RBFOX1: variants seen among roughly 807,000 people sequenced by gnomAD.
RBFOX1 encodes RNA binding fox-1 homolog 1, also known as RNA binding protein fox-1 homolog 1.
Under a neutral mutation model 57.7 loss-of-function variants are expected in RBFOX1, and 8 were observed. That is an observed-to-expected ratio of 0.14 (90% CI 0.08 to 0.25). RBFOX1 has a LOEUF of 0.25. Ranked by LOEUF, RBFOX1 falls within the 10% of genes least tolerant of loss-of-function variation. The pLI is 1.00. For synonymous variants in RBFOX1, 326 were observed against 222.4 expected, an observed-to-expected ratio of 1.47 and a Z score of -4.15; for missense variants, 611 against 548.5, an observed-to-expected ratio of 1.11 and a Z score of -1.14.
chr16:7,469,155 C>G (rs1188990571), intron 4 of RBFOX1, among the ~76,000 whole-genome samples: 2 of 152,020 alleles, frequency 1.3e-5, no homozygotes, highest in Admixed American at 6.6e-5. Flanking sequence ...AGGATGGTCT[C>G]AATCTCCTGA....
chr16:5,690,206 C>T (rs1253715593), intron 3 of RBFOX1, among the ~76,000 whole-genome samples: 2 of 152,232 alleles, frequency 1.3e-5, no homozygotes, highest in Admixed American at 1.3e-4. Context: ...AAAGGGCATA[C>T]ATTGAAGACA....
At chr16:7,322,068 T>G (rs1462371604) in intron 4 of RBFOX1, among the ~76,000 whole-genome samples, 1 of 152,216 alleles carries the variant, frequency 6.6e-6, no homozygotes, top group African/African-American at 2.4e-5. Context: ...TCTCCTCCAG[T>G]GCTGTATTTG....
chr16:6,768,684 T>G (rs2077773902), intron 3 of RBFOX1, among the ~76,000 whole-genome samples: 1 of 148,070 alleles, frequency 6.8e-6, no homozygotes, highest in Non-Finnish European at 1.5e-5. Flanking sequence ...ATATGTAAAA[T>G]ATATATGTAC....
intron 2 of RBFOX1, among the ~76,000 whole-genome samples, chr16:6,359,664 A>T (rs1264514342): frequency 6.6e-6 from 1 of 152,160 alleles, no homozygotes; most frequent in Non-Finnish European, 1.5e-5. Flanking sequence ...CTATTGCTGG[A>T]TGTTTCTGCA....
intron 3 of RBFOX1, among the ~76,000 whole-genome samples, chr16:6,712,940 T>G (rs1290524529): frequency 8.2e-6 from 1 of 122,254 alleles, no homozygotes; most frequent in Non-Finnish European, 1.8e-5. Context: ...TGAATAACTC[T>G]CATGGGATCT....
intron 3 of RBFOX1, among the ~76,000 whole-genome samples, chr16:5,719,780 A>G (rs904231110): frequency 1.3e-5 from 2 of 152,196 alleles, no homozygotes; most frequent in Non-Finnish European, 2.9e-5. Context: ...TTGTATGGAT[A>G]GACCCCATTT....
chr16:6,735,990 AAG>A (rs377348807), intron 3 of RBFOX1, among the ~76,000 whole-genome samples: 143,401 of 150,226 alleles, frequency 0.95, 68,294 homozygotes, highest in East Asian at 1. Flanking sequence ...GGGCCTGCTC[AAG>A]GGTAATTAAC....
intron 4 of RBFOX1, among the ~76,000 whole-genome samples, chr16:7,120,838 C>CACACAG: frequency 7.1e-6 from 1 of 141,670 alleles, no homozygotes; most frequent in South Asian, 2.2e-4. Context: ...TATACACACA[C>CACACAG]ACACACACAC....
chr16:6,225,242 A>C (rs1403659768), intron 1 of RBFOX1, among the ~76,000 whole-genome samples: 1 of 152,032 alleles, frequency 6.6e-6, no homozygotes. Flanking sequence ...ATATATATAT[A>C]TATAAAATAG....
intron 4 of RBFOX1, among the ~76,000 whole-genome samples, chr16:7,373,082 C>A (rs1156720925): frequency 6.6e-6 from 1 of 151,842 alleles, no homozygotes; most frequent in African/African-American, 2.4e-5. Context: ...CAGGTGCCTG[C>A]CACCATGCGT....
intron 3 of RBFOX1, among the ~76,000 whole-genome samples, chr16:6,977,714 G>A (rs904168914): frequency 6.6e-6 from 1 of 152,102 alleles, no homozygotes; most frequent in Non-Finnish European, 1.5e-5. Context: ...GAAATGAATT[G>A]AAATTGTGGG....
Position 5,724,452 on chromosome 16 carries a change from T to C in RBFOX1, c.318+125491T>C, listed in dbSNP as rs554228824. ...TCTCTATGTCTATGTCTTCGTGAAA[T>C]GGCATAGTGGTTAGAGGAGGGACTC... On this transcript the variant is annotated intron_variant, in intron 3 of 19. Transcript: ENST00000641259. Among the ~76,000 whole-genome samples, 7 of 152,162 alleles carry C rather than the reference T, an allele frequency of 4.6e-5. No homozygotes were observed. The South Asian group carries it at 1.5e-3, about 32-fold the overall frequency.
intron 3 of RBFOX1, among the ~76,000 whole-genome samples, chr16:6,906,931 C>T (rs1200029591): frequency 6.6e-6 from 1 of 152,092 alleles, no homozygotes; most frequent in Non-Finnish European, 1.5e-5. Flanking sequence ...ACCATGTTGG[C>T]CAGGCTGGTC....
chr16:7,230,381 G>A (rs2093428789), intron 4 of RBFOX1, among the ~76,000 whole-genome samples: 1 of 152,060 alleles, frequency 6.6e-6, no homozygotes, highest in Admixed American at 6.6e-5. Context: ...CCTCAGTTTT[G>A]GCTTAACATA....
At chr16:7,141,237 C>G (rs942787008) in intron 4 of RBFOX1, among the ~76,000 whole-genome samples, 4 of 152,134 alleles carry the variant, frequency 2.6e-5, no homozygotes, top group Admixed American at 6.5e-5. Flanking sequence ...GGATCCAGAT[C>G]GCTTCCTGCC....
intron 4 of RBFOX1, among the ~76,000 whole-genome samples, chr16:7,067,768 G>T (rs2056439873): frequency 7.0e-6 from 1 of 141,874 alleles, no homozygotes; most frequent in African/African-American, 2.6e-5. Context: ...TCCTACCTAT[G>T]AGTGAGAATA....
chr16:6,194,240 C>T (rs2097165588), intron 1 of RBFOX1, among the ~76,000 whole-genome samples: 1 of 152,154 alleles, frequency 6.6e-6, no homozygotes. Flanking sequence ...CCTGAAGAGC[C>T]ACAGAATCCA....
intron 1 of RBFOX1, among the ~76,000 whole-genome samples, chr16:5,427,262 C>T (rs1274736636): frequency 6.6e-6 from 1 of 152,180 alleles, no homozygotes; most frequent in Non-Finnish European, 1.5e-5. Context: ...GGAATTGGCT[C>T]ATGCAGTTAA....
chr16:6,229,439 G>T (rs1384138896), intron 1 of RBFOX1, among the ~76,000 whole-genome samples: 1 of 151,874 alleles, frequency 6.6e-6, no homozygotes, highest in Admixed American at 6.6e-5. Flanking sequence ...CCTCCCTTTT[G>T]TTCTGTGTGT....
Sources: allele counts gnomAD v4.1 joint callset (sites outside exome capture counted in the v4.1 genomes callset), GRCh38; gene constraint gnomAD v4.1.1; transcripts MANE v1.5; gene names NCBI Gene and HGNC (gene_info 2026-07-23, HGNC 2026-07-21).